The following ZNF276 variants were observed in gnomAD, a reference collection of about 807,000 sequenced individuals.
ZNF276 encodes the protein centromere protein Z.
In ZNF276, 59 loss-of-function variants were observed where a neutral mutation model predicts 63.9. That is an observed-to-expected ratio of 0.92 (90% CI 0.75 to 1.15). The LOEUF (loss-of-function observed/expected upper bound fraction) is 1.15, where lower values mean the gene tolerates loss of function less well. ZNF276 is among the 50% of genes most tolerant of loss of function. The pLI is 0.00. For synonymous variants in ZNF276, 496 were observed against 348.4 expected (o/e 1.42, Z -4.72); for missense variants, 1,084 against 843.8 (o/e 1.28, Z -3.53).
chr16:89,721,009 C>T (rs988778270), upstream of ZNF276: 9 of 762,832 alleles, frequency 1.2e-5, no homozygotes, highest in Admixed American at 1.4e-4. Flanking sequence ...GGGCCCCCTC[C>T]GCGCGTACTG....
At chr16:89,725,085 T>A (rs2056514924) in intron 4 of ZNF276, among the ~76,000 whole-genome samples, 1 of 150,286 alleles carries the variant, frequency 6.7e-6, no homozygotes, top group Non-Finnish European at 1.5e-5. Flanking sequence ...ACCTAATTTT[T>A]GTATTTTTAG....
intron 2 of ZNF276, 93 bp downstream of exon 2, chr16:89,722,927 C>A: frequency 1.3e-6 from 2 of 1,557,492 alleles, no homozygotes; most frequent in Non-Finnish European, 1.7e-6. Context: ...CCGCGGGAGC[C>A]TCTGGGTGGG....
At position 89,738,476 on chromosome 16, in the gene ZNF276, T is replaced by C. The variant is rs1432402286; in HGVS notation, c.*230T>C. ...GCCGGACAGTTCATAAATAATTGATTCCTTTCCCCACTAAAGCAGTCGAGG... is the reference window on the plus strand; with the variant it reads ...GCCGGACAGTTCATAAATAATTGATCCCTTTCCCCACTAAAGCAGTCGAGG... On this transcript the variant is annotated 3_prime_UTR_variant, in exon 11 of 11. Coordinates refer to ENST00000443381, the MANE Select transcript of ZNF276 (RefSeq NM_001113525.2). The C allele has an allele frequency of 2.7e-6, 4 of 1,479,932 alleles. No homozygotes were observed. The African/African-American group carries it at 4.2e-5, about 15-fold the overall frequency. The allele number at this position is 1,479,932 out of a possible 1,614,324, so 91.7% of individuals were successfully genotyped here.
In ZNF276 at chr16:89,733,499, T is replaced by C. The variant is rs747602547; in HGVS notation, c.1298T>C (p.Ile433Thr). The change falls in exon 8 of 11, where the codon ATC becomes ACC. Residue 433 changes from isoleucine (I) to threonine (T), a missense_variant. By Grantham distance (89) the Ile-to-Thr change is moderately conservative. Coordinates refer to ENST00000443381, the MANE Select transcript of ZNF276 (RefSeq NM_001113525.2). ...CATTGCAGGGAGGAGCTTCCCACCA[T>C]CTACAAGTGTCCTTACCAGGGCTGC... ...LRCEREELPT[I>T]YKCPYQGCTA... 2 of 1,614,138 alleles carry C rather than the reference T, an allele frequency of 1.2e-6. No individual in the cohort carries two copies. The highest frequency in any genetic ancestry group is 3.3e-5 in the Admixed American group (2 of 60,026).
Position 89,740,700 on chromosome 16 carries a change from G to GC in ZNF276, c.*2455dup. Reference sequence around the variant, plus strand: ...ACTCACACTTCCGCAAACACAAGGAGCTCCTGAGCTAGTCTGGAAACCCTG... The same window carrying GC: ...ACTCACACTTCCGCAAACACAAGGAGCCTCCTGAGCTAGTCTGGAAACCCTG... On this transcript the variant is annotated 3_prime_UTR_variant, in exon 11 of 11. Transcript: ENST00000443381. The GC allele has an allele frequency of 1.1e-6, 1 of 884,800 alleles. No individual in the cohort carries two copies. Among genetic ancestry groups the GC allele is most frequent in the South Asian group, 1.4e-5 (1 of 71,338 alleles). The allele number at this position is 884,800 out of a possible 1,614,324, so 54.8% of individuals were successfully genotyped here.
chr16:89,727,201 G>A, intron 4 of ZNF276, 78 bp from the exon 5 acceptor site: 1 of 1,431,412 alleles, frequency 7.0e-7, no homozygotes, highest in Non-Finnish European at 9.9e-7. Flanking sequence ...GTCATCAATA[G>A]TAGAATCATG....
At chr16:89,723,741 G>C (rs1199876418) in intron 4 of ZNF276, 32 bp downstream of exon 4, 12 of 1,587,938 alleles carry the variant, frequency 7.6e-6, no homozygotes, top group African/African-American at 4.0e-5. Flanking sequence ...TGCTAGACCA[G>C]GATGTGTGCT....
intron 9 of ZNF276, among the ~76,000 whole-genome samples, chr16:89,736,576 T>G (rs953784434): frequency 6.6e-6 from 1 of 150,708 alleles, no homozygotes; most frequent in Non-Finnish European, 1.5e-5. Context: ...TCCGCCTGCC[T>G]TGGCCTTCCA....
intron 6 of ZNF276, chr16:89,731,495 C>T (rs11643623): frequency 0.19 from 29,172 of 152,286 alleles, 3,507 homozygotes; most frequent in Middle Eastern, 0.31. Context: ...CCTCATGATC[C>T]GCCCGCCTCA....
chr16:89,725,861 G>A (rs1188427187), intron 4 of ZNF276, among the ~76,000 whole-genome samples: 1 of 152,176 alleles, frequency 6.6e-6, no homozygotes, highest in Admixed American at 6.5e-5. Flanking sequence ...TGCCCAGGCT[G>A]GTCTTGAATT....
At position 89,733,384 on chromosome 16, in the gene ZNF276, G is replaced by T; in HGVS notation, c.1252G>T (p.Gly418Ter). 1 of 1,614,158 alleles carries T rather than the reference G, an allele frequency of 6.2e-7. No homozygotes were observed. Among genetic ancestry groups the T allele is most frequent in the Non-Finnish European group, 8.5e-7 (1 of 1,180,032 alleles). Reference sequence around the variant, plus strand: ...TCGGAAGAAGCCGGGACCCAAGCCCGGATGGAAGAAGAAGCTTCGTTGTGA... The same window carrying T: ...TCGGAAGAAGCCGGGACCCAAGCCCTGATGGAAGAAGAAGCTTCGTTGTGA... ...RIRKKPGPKP[G>*]WKKKLRCERE... The change falls in exon 7 of 11, where the codon GGA becomes TGA. Residue 418 changes from glycine to a stop codon, truncating the protein, a stop_gained. Coordinates refer to ENST00000443381, the MANE Select transcript of ZNF276 (RefSeq NM_001113525.2). LOFTEE classifies it high-confidence loss of function.
Position 89,733,429 on chromosome 16 carries a change from G to C in ZNF276, c.1280+17G>C. On this transcript the variant is annotated intron_variant, in intron 7 of 10. Transcript: ENST00000443381. ...TTGTGAGAGGTGATGCCTGCAACGC[G>C]AGGCTCGCCCTGCCTGTCGGGGCCG... is the stretch of plus-strand genomic sequence containing the variant. The C allele has an allele frequency of 3.1e-6, 5 of 1,614,030 alleles. No individual in the cohort carries two copies. Among genetic ancestry groups the C allele is most frequent in the Non-Finnish European group, 4.2e-6 (5 of 1,179,902 alleles).
At chr16:89,720,887 G>C, upstream of ZNF276, 1 of 1,333,886 alleles carries the variant, frequency 7.5e-7, no homozygotes, top group Non-Finnish European at 9.6e-7. Flanking sequence ...AGGCGGCGGC[G>C]GTAGCCGAGG....
chr16:89,723,767 G>C, intron 4 of ZNF276, 58 bp downstream of exon 4: 2 of 1,506,124 alleles, frequency 1.3e-6, no homozygotes, highest in Non-Finnish European at 1.8e-6. Context: ...GTGGGGCAGG[G>C]TTTTCAGCAG....
chr16:89,723,410 A>T lies in ZNF276; in HGVS notation c.707A>T (p.Gln236Leu), dbSNP rs754384615. ...GVIQVVWGCD[Q>L]GHDYTMDTSS... ...ATCCAGGTCGTGTGGGGCTGCGACC[A>T]GGGCCACGACTACACCATGGATACC... Residue 236 changes from glutamine (Q) to leucine (L), a missense_variant, in exon 4 of 11, where the codon CAG (glutamine) becomes CTG (leucine). By Grantham distance (113) the Gln-to-Leu change is moderately radical (BLOSUM62 -2). Transcript: ENST00000443381. 6.2e-7 allele frequency: 1 copy of T among 1,612,944 alleles called. No homozygotes were observed. The highest frequency in any genetic ancestry group is 8.5e-7 in the Non-Finnish European group (1 of 1,180,004).
At chr16:89,737,735 C>T in intron 9 of ZNF276, 71 bp from the exon 10 acceptor site, 1 of 1,604,176 alleles carries the variant, frequency 6.2e-7, no homozygotes, top group African/African-American at 1.3e-5. Flanking sequence ...GATGGTTTCA[C>T]ATTGTCATCG....
At chr16:89,734,137 G>C in intron 9 of ZNF276, 99 bp downstream of exon 9, 2 of 1,110,352 alleles carry the variant, frequency 1.8e-6, no homozygotes, top group Non-Finnish European at 2.6e-6. Flanking sequence ...AAGAGTTGGG[G>C]GTGCGTGAAG....
chr16:89,738,981 A>G lies in ZNF276; in HGVS notation c.*735A>G, dbSNP rs763863651. On this transcript the variant is annotated 3_prime_UTR_variant, in exon 11 of 11. Transcript: ENST00000443381. ...TCAGTTCCACGGGGTTGCCCTAGAGAGAAAACAGGCAAACTCACAGGTTAG... is the reference window on the plus strand; with the variant it reads ...TCAGTTCCACGGGGTTGCCCTAGAGGGAAAACAGGCAAACTCACAGGTTAG... 1 of 1,614,214 alleles carries G rather than the reference A, an allele frequency of 6.2e-7. No individual in the cohort carries two copies. The highest frequency in any genetic ancestry group is 8.5e-7 in the Non-Finnish European group (1 of 1,180,042).
At chr16:89,725,414 C>G (rs1032471347) in intron 4 of ZNF276, among the ~76,000 whole-genome samples, 1 of 152,152 alleles carries the variant, frequency 6.6e-6, no homozygotes, top group Non-Finnish European at 1.5e-5. Flanking sequence ...AACTCCTGAC[C>G]TCGTGATCCA....
Sources: allele counts gnomAD v4.1 joint callset (sites outside exome capture counted in the v4.1 genomes callset), GRCh38; gene constraint gnomAD v4.1.1; transcripts MANE v1.5; gene names NCBI Gene and HGNC (gene_info 2026-07-23, HGNC 2026-07-21).